The following ZNF525 variants were observed in gnomAD, a reference collection of about 807,000 sequenced individuals.
ZNF525 encodes zinc finger protein 525.
ZNF525 carries 33 observed loss-of-function variants against 37.6 expected under a neutral mutation model. That is an observed-to-expected ratio of 0.88 (90% CI 0.67 to 1.17). The LOEUF (loss-of-function observed/expected upper bound fraction) is 1.17. Among genes scored for constraint, ZNF525 ranks in the 50% most tolerant of loss-of-function variants. The pLI is 0.00. For synonymous variants in ZNF525, 170 were observed against 182.3 expected, an observed-to-expected ratio of 0.93 and a Z score of 0.54; for missense variants, 449 against 543.1, an observed-to-expected ratio of 0.83 and a Z score of 1.72.
intron 2 of ZNF525, among the ~76,000 whole-genome samples, chr19:53,375,127 A>G (rs2085512442): frequency 6.6e-6 from 1 of 151,914 alleles, no homozygotes; most frequent in African/African-American, 2.4e-5. Context: ...TACTGGGATC[A>G]AGCAGTTCTG....
chr19:53,382,423 C>A lies in ZNF525; in HGVS notation c.*404C>A. ...TACAAGTGTAATGAGTGTGGCAAGA[C>A]CTTCAGTCAGAAGTCATGCCTTACA... On this transcript the variant is annotated 3_prime_UTR_variant, in exon 4 of 4. Coordinates refer to ENST00000474037, the MANE Select transcript of ZNF525 (RefSeq NM_001348156.2). The A allele has an allele frequency of 2.3e-6, 2 of 876,516 alleles. No homozygotes were observed. Among genetic ancestry groups the A allele is most frequent in the Non-Finnish European group, 1.9e-6 (1 of 520,298 alleles). The allele number at this position is 876,516 out of a possible 1,614,324, so 54.3% of individuals were successfully genotyped here. A position where few individuals can be genotyped will look rare whatever the true frequency, so the allele number is the denominator to read the frequency against.
chr19:53,366,893 G>C (rs1219661552), intron 1 of ZNF525, among the ~76,000 whole-genome samples: 1 of 152,094 alleles, frequency 6.6e-6, no homozygotes, highest in Non-Finnish European at 1.5e-5. Flanking sequence ...GACTGATATG[G>C]GGGAGACAGG....
chr19:53,370,441 C>T (rs1295026901), intron 1 of ZNF525, among the ~76,000 whole-genome samples: 2 of 151,020 alleles, frequency 1.3e-5, no homozygotes, highest in South Asian at 2.1e-4. Context: ...AGAACAGGCA[C>T]ACCTTCTCAC....
At chr19:53,366,806 T>A (rs566426526) in intron 1 of ZNF525, among the ~76,000 whole-genome samples, 1 of 146,420 alleles carries the variant, frequency 6.8e-6, no homozygotes, top group East Asian at 2.0e-4. Flanking sequence ...ACAGGGGGTA[T>A]AACAGAGAAG....
At position 53,383,097 on chromosome 19, in the gene ZNF525, A is replaced by G. The variant is rs1600029641; in HGVS notation, c.*1078A>G. 2.9e-6 allele frequency: 4 copies of G among 1,357,892 alleles called. No homozygotes were observed. The highest frequency in any genetic ancestry group is 4.2e-6 in the Non-Finnish European group (4 of 963,346). 84.1% of individuals were successfully genotyped at this position (1,357,892 alleles called of 1,614,324 possible). On this transcript the variant is annotated 3_prime_UTR_variant, in exon 4 of 4. Transcript: ENST00000474037. The stretch of plus-strand genomic sequence containing the variant: ...TGTAATAAATGTGGCGAGGTTTTTA[A>G]TCAACAAGCACACCTTGCACGTCAT...
chr19:53,375,378 AG>A (rs1286514924), intron 2 of ZNF525, among the ~76,000 whole-genome samples: 2 of 152,202 alleles, frequency 1.3e-5, no homozygotes, highest in African/African-American at 4.8e-5. Flanking sequence ...CGAGGTCAGG[AG>A]TCTGAGACAA....
intron 1 of ZNF525, among the ~76,000 whole-genome samples, chr19:53,370,306 C>G (rs1011768685): frequency 6.6e-6 from 1 of 150,818 alleles, no homozygotes; most frequent in Non-Finnish European, 1.5e-5. Context: ...GTAGTCCCAG[C>G]TACTCGAAAG....
intron 1 of ZNF525, among the ~76,000 whole-genome samples, chr19:53,366,540 G>GAAA (rs57967171): frequency 8.9e-5 from 11 of 124,160 alleles, no homozygotes; most frequent in African/African-American, 2.3e-4. Flanking sequence ...CAGCAAAAGT[G>GAAA]AAAAAAAAAA....
intron 1 of ZNF525, among the ~76,000 whole-genome samples, chr19:53,368,214 G>A (rs2085461762): frequency 6.6e-6 from 1 of 152,098 alleles, no homozygotes; most frequent in African/African-American, 2.4e-5. Context: ...GAGACCAGAG[G>A]GTGCTTGCCA....
In ZNF525 at chr19:53,382,382, T is replaced by A; in HGVS notation, c.*363T>A. On this transcript the variant is annotated 3_prime_UTR_variant, in exon 4 of 4. Coordinates refer to ENST00000474037, the MANE Select transcript of ZNF525 (RefSeq NM_001348156.2). ...ATCTTGAAAGACATAGGAGAATTCA[T>A]AATGGAGAGAAACCGTACAAGTGTA... 1 of 1,096,594 alleles carries A rather than the reference T, an allele frequency of 9.1e-7. No homozygotes were observed. The highest frequency in any genetic ancestry group is 1.4e-6 in the Non-Finnish European group (1 of 714,968). 67.9% of individuals were successfully genotyped at this position (1,096,594 alleles called of 1,614,324 possible).
Position 53,381,445 on chromosome 19 carries a change from A to T in ZNF525, c.866A>T (p.His289Leu). 6.7e-7 allele frequency: 1 copy of T among 1,496,070 alleles called. No homozygotes were observed. The highest frequency in any genetic ancestry group is 9.3e-7 in the Non-Finnish European group (1 of 1,072,620). The allele number at this position is 1,496,070 out of a possible 1,614,324, so 92.7% of individuals were successfully genotyped here. A position where few individuals can be genotyped will look rare whatever the true frequency, so the allele number is the denominator to read the frequency against. ...SFSQMSSLTY[H>L]HRLHTGEKPY... ...AGTCAGATGTCATCCCTTACATATCATCATCGACTTCATACTGGAGAGAAA... is the reference window on the plus strand; with the variant it reads ...AGTCAGATGTCATCCCTTACATATCTTCATCGACTTCATACTGGAGAGAAA... The change falls in exon 4 of 4, where the codon CAT becomes CTT. Residue 289 changes from histidine to leucine, a missense_variant. Physicochemically the swap from His to Leu is moderately conservative, Grantham distance 99. Transcript: ENST00000474037.
intron 1 of ZNF525, among the ~76,000 whole-genome samples, chr19:53,366,919 G>A (rs543980851): frequency 2.7e-5 from 4 of 149,828 alleles, no homozygotes; most frequent in South Asian, 4.3e-4. Context: ...GTTTATTTAA[G>A]GTACACAGCG....
Position 53,383,090 on chromosome 19 carries a change from G to C in ZNF525, c.*1071G>C. 7.2e-7 allele frequency: 1 copy of C among 1,380,864 alleles called. No homozygotes were observed. Among genetic ancestry groups the C allele is most frequent in the South Asian group, 1.2e-5 (1 of 86,572 alleles). The allele number at this position is 1,380,864 out of a possible 1,614,324, so 85.5% of individuals were successfully genotyped here. A position where few individuals can be genotyped will look rare whatever the true frequency, so the allele number is the denominator to read the frequency against. On this transcript the variant is annotated 3_prime_UTR_variant, in exon 4 of 4. Transcript: ENST00000474037. Reference sequence around the variant, plus strand: ...TTGCAAGTGTAATAAATGTGGCGAGGTTTTTAATCAACAAGCACACCTTGC... The same window carrying C: ...TTGCAAGTGTAATAAATGTGGCGAGCTTTTTAATCAACAAGCACACCTTGC...
chr19:53,372,789 C>A (rs1333224883), intron 2 of ZNF525, among the ~76,000 whole-genome samples: 4 of 152,132 alleles, frequency 2.6e-5, no homozygotes, highest in Non-Finnish European at 5.9e-5. Context: ...ACTCCAAAAT[C>A]TTAGTAATTA....
chr19:53,381,168 C>A lies in ZNF525; in HGVS notation c.589C>A (p.Leu197Met), dbSNP rs938644252. 2.2e-6 allele frequency: 3 copies of A among 1,361,416 alleles called. No individual in the cohort carries two copies. Among genetic ancestry groups the A allele is most frequent in the Non-Finnish European group, 3.2e-6 (3 of 950,046 alleles). The allele number at this position is 1,361,416 out of a possible 1,614,324, so 84.3% of individuals were successfully genotyped here. A position where few individuals can be genotyped will look rare whatever the true frequency, so the allele number is the denominator to read the frequency against. Residue 197 changes from leucine to methionine, a missense_variant, in exon 4 of 4, where the codon CTG becomes ATG. Coordinates refer to ENST00000474037, the MANE Select transcript of ZNF525 (RefSeq NM_001348156.2). The stretch of plus-strand genomic sequence containing the variant: ...ATCTAATAACTATGGGGATAATTTT[C>A]TGAATTATTCATTACTCACACAAAG... Reference protein sequence around the residue: ...HISNNYGDNFLNYSLLTQRQE... With the variant: ...HISNNYGDNFMNYSLLTQRQE...
Position 53,386,537 on chromosome 19 carries a change from C to T in ZNF525, c.*4518C>T. 1 of 516,630 alleles carries T rather than the reference C, an allele frequency of 1.9e-6. No homozygotes were observed. The highest frequency in any genetic ancestry group is 3.5e-6 in the Non-Finnish European group (1 of 281,962). 32.0% of individuals were successfully genotyped at this position (516,630 alleles called of 1,614,324 possible). ...TTTCTCTGTAAATTTGTTATAAACG[C>T]ATTGGTTGGCTGTGTTCAGTAATAA... On this transcript the variant is annotated 3_prime_UTR_variant, in exon 4 of 4. Coordinates refer to ENST00000474037, the MANE Select transcript of ZNF525 (RefSeq NM_001348156.2).
At chr19:53,366,115 A>G (rs1305646208) in intron 1 of ZNF525, among the ~76,000 whole-genome samples, 9 of 151,926 alleles carry the variant, frequency 5.9e-5, no homozygotes, top group Non-Finnish European at 1.3e-4. Context: ...GTCGGCCCCT[A>G]GAGCGCAGCG....
At position 53,380,743 on chromosome 19, in the gene ZNF525, T is replaced by A; in HGVS notation, c.164T>A (p.Met55Lys). 7.9e-7 allele frequency: 1 copy of A among 1,261,504 alleles called. No homozygotes were observed. Among genetic ancestry groups the A allele is most frequent in the Non-Finnish European group, 1.2e-6 (1 of 865,994 alleles). 78.1% of individuals were successfully genotyped at this position (1,261,504 alleles called of 1,614,324 possible). ...GTAGGTATCTCTTCCAAATGCACAATGAAGGAGTTCTCATCAACAGCACAA... is the reference window on the plus strand; with the variant it reads ...GTAGGTATCTCTTCCAAATGCACAAAGAAGGAGTTCTCATCAACAGCACAA... The part of the protein sequence containing the change: ...VSLGISSKCT[M>K]KEFSSTAQGN... The change falls in exon 4 of 4, where the codon ATG becomes AAG. Residue 55 changes from methionine to lysine, a missense_variant. Physicochemically the swap from Met to Lys is moderately conservative, Grantham distance 95 (BLOSUM62 -1). Around this residue, in one of 2 missense-constraint regions of ZNF525, gnomAD observed 271 missense variants for 381.6 expected, o/e 0.71. Transcript: ENST00000474037.
chr19:53,373,196 G>A (rs765516063), intron 2 of ZNF525, among the ~76,000 whole-genome samples: 1 of 152,018 alleles, frequency 6.6e-6, no homozygotes, highest in Admixed American at 6.6e-5. Flanking sequence ...AGGTTCAAGC[G>A]ATTCTCCTGC....
Sources: allele counts gnomAD v4.1 joint callset (sites outside exome capture counted in the v4.1 genomes callset), GRCh38; gene constraint gnomAD v4.1.1; regional missense constraint gnomAD v4.1.1; transcripts MANE v1.5; gene names NCBI Gene and HGNC (gene_info 2026-07-23, HGNC 2026-07-21).